The following BLTP3A variants were observed in gnomAD, a reference collection of about 807,000 sequenced individuals.
BLTP3A encodes ICBP90 binding protein 1.
chr6:34,858,444 C>T, the BLTP3A span: 3 of 1,614,162 alleles, frequency 1.9e-6, no homozygotes, highest in South Asian at 2.2e-5. Context: ...TCTGGTCTGT[C>T]CACTTTACCC....
the BLTP3A span, chr6:34,875,992 C>T: frequency 6.6e-6 from 1 of 152,630 alleles, no homozygotes; most frequent in South Asian, 2.1e-4. Flanking sequence ...AGCCACTGCA[C>T]ATTACCAATT....
At chr6:34,835,609 ATTTTTTATTTATTCTG>A in the BLTP3A span, 1 of 886,398 alleles carries the variant, frequency 1.1e-6, no homozygotes, top group Non-Finnish European at 1.7e-6. Context: ...TGCACCTCTG[ATTTTTTATTTATTCTG>A]TTCATTGGGT....
At chr6:34,848,347 T>C in the BLTP3A span, among the ~76,000 whole-genome samples, 1 of 152,014 alleles carries the variant, frequency 6.6e-6, no homozygotes, top group Non-Finnish European at 1.5e-5. Flanking sequence ...CACTCATGGC[T>C]GTAATCCCAA....
the BLTP3A span, among the ~76,000 whole-genome samples, chr6:34,803,554 A>G: frequency 6.6e-6 from 1 of 152,218 alleles, no homozygotes. Flanking sequence ...AGTAGAGAAC[A>G]TATTTTGGAG....
the BLTP3A span, chr6:34,792,442 G>C: frequency 1.3e-6 from 1 of 797,102 alleles, no homozygotes; most frequent in Non-Finnish European, 1.8e-6. Flanking sequence ...CTCGAGCCCG[G>C]ACAGCTTCCC....
At chr6:34,836,590 G>C in the BLTP3A span, among the ~76,000 whole-genome samples, 3 of 152,138 alleles carry the variant, frequency 2.0e-5, no homozygotes, top group South Asian at 6.2e-4. Flanking sequence ...CAGATGTTGG[G>C]CCTCTCCCCA....
At chr6:34,798,009 C>A in the BLTP3A span, among the ~76,000 whole-genome samples, 1 of 152,288 alleles carries the variant, frequency 6.6e-6, no homozygotes, top group African/African-American at 2.4e-5. Flanking sequence ...TAGCAGCCAC[C>A]TGAAGAAACA....
At chr6:34,854,718 GA>G in the BLTP3A span, among the ~76,000 whole-genome samples, 3 of 152,224 alleles carry the variant, frequency 2.0e-5, no homozygotes, top group African/African-American at 7.2e-5. Flanking sequence ...CGATTGGATG[GA>G]AATGACCCTA....
the BLTP3A span, among the ~76,000 whole-genome samples, chr6:34,825,456 C>T: frequency 2.0e-5 from 3 of 152,126 alleles, no homozygotes; most frequent in Non-Finnish European, 4.4e-5. Flanking sequence ...TACAGGCATG[C>T]ACCACCAGGC....
chr6:34,853,258 C>T, the BLTP3A span, among the ~76,000 whole-genome samples: 5 of 152,268 alleles, frequency 3.3e-5, no homozygotes, highest in Non-Finnish European at 2.9e-5. Flanking sequence ...CGGCTCACTG[C>T]GGCAAACTCT....
chr6:34,856,294 G>C, the BLTP3A span: 1 of 1,614,098 alleles, frequency 6.2e-7, no homozygotes, highest in Non-Finnish European at 8.5e-7. Flanking sequence ...CCCGAGGCCA[G>C]TGGGCCCAGA....
At chr6:34,827,554 C>T in the BLTP3A span, among the ~76,000 whole-genome samples, 5 of 152,096 alleles carry the variant, frequency 3.3e-5, no homozygotes, top group Non-Finnish European at 5.9e-5. Context: ...AATGCAGTAT[C>T]GGGGTGTGTA....
the BLTP3A span, among the ~76,000 whole-genome samples, chr6:34,817,868 TG>T: frequency 1.0e-5 from 1 of 99,318 alleles, no homozygotes; most frequent in Admixed American, 9.2e-5. Context: ...TTTTTTTTTT[TG>T]GGGGGGTGGA....
At chr6:34,845,523 A>G in the BLTP3A span, among the ~76,000 whole-genome samples, 1 of 152,064 alleles carries the variant, frequency 6.6e-6, no homozygotes, top group Non-Finnish European at 1.5e-5. Flanking sequence ...GGCTCAAGTG[A>G]TCCTTCCACT....
chr6:34,823,998 A>G, the BLTP3A span, among the ~76,000 whole-genome samples: 1 of 150,542 alleles, frequency 6.6e-6, no homozygotes. Context: ...CCTGGAGTGC[A>G]GTGGTGTGAT....
At chr6:34,871,548 G>A in the BLTP3A span, 1 of 1,596,342 alleles carries the variant, frequency 6.3e-7, no homozygotes, top group Non-Finnish European at 8.6e-7. Flanking sequence ...CTCTGAGCTG[G>A]TGGGGGGCAT....
At chr6:34,835,601 C>A in the BLTP3A span, 2 of 948,054 alleles carry the variant, frequency 2.1e-6, no homozygotes, top group Non-Finnish European at 3.0e-6. Context: ...GCTTTGCCTG[C>A]ACCTCTGATT....
chr6:34,843,302 T>C, the BLTP3A span, among the ~76,000 whole-genome samples: 1 of 152,196 alleles, frequency 6.6e-6, no homozygotes, highest in Non-Finnish European at 1.5e-5. Flanking sequence ...TTTTATTTTT[T>C]TTTTGCCCAC....
At chr6:34,854,005 C>T in the BLTP3A span, among the ~76,000 whole-genome samples, 1,160 of 152,200 alleles carry the variant, frequency 7.6e-3, 21 homozygotes, top group African/African-American at 0.026. Flanking sequence ...GGGTGGATCA[C>T]GAGCTCAGGA....
Sources: gnomAD v4.1 joint callset for allele counts (sites outside exome capture counted in the v4.1 genomes callset) on GRCh38, gnomAD v4.1.1 for gene constraint, MANE v1.5 for transcripts, NCBI Gene and HGNC (gene_info 2026-07-23, HGNC 2026-07-21) for gene names.